ADAMTSL3: variants seen among roughly 807,000 people sequenced by gnomAD.
ADAMTSL3 encodes the protein ADAMTS-like protein 3.
In ADAMTSL3, 128 loss-of-function variants were observed where a neutral mutation model predicts 201.7. The observed-to-expected ratio is 0.63, with a 90% CI of 0.55 to 0.73. The LOEUF (loss-of-function observed/expected upper bound fraction) is 0.73. ADAMTSL3 is among the 30% of genes least tolerant of loss of function. ADAMTSL3 has a pLI of 0.00. For synonymous variants in ADAMTSL3, 738 were observed against 748.4 expected (o/e 0.99, Z 0.23); for missense variants, 1,990 against 2,119.6 (o/e 0.94, Z 1.20).
chr15:83,978,783 A>T (rs900236679), intron 20 of ADAMTSL3, among the ~76,000 whole-genome samples: 1 of 152,226 alleles, frequency 6.6e-6, no homozygotes, highest in Non-Finnish European at 1.5e-5. Flanking sequence ...AGCAATGGCC[A>T]AAGCAGAGTT....
chr15:83,894,979 G>C (rs1227003253), intron 13 of ADAMTSL3, among the ~76,000 whole-genome samples: 1 of 152,174 alleles, frequency 6.6e-6, no homozygotes, highest in Non-Finnish European at 1.5e-5. Context: ...TCATCAGAAT[G>C]AGCCATGTGT....
In ADAMTSL3 at chr15:83,892,716, T is replaced by C. The variant is rs141912251; in HGVS notation, c.1295T>C (p.Val432Ala). The C allele has an allele frequency of 2.2e-4, 354 of 1,614,028 alleles. No homozygotes were observed. The highest frequency in any genetic ancestry group is 2.1e-3 in the Middle Eastern group (13 of 6,062). Residue 432 changes from valine (V) to alanine (A), a missense_variant, in exon 13 of 30, where the codon GTG (valine) becomes GCG (alanine). Coordinates refer to ENST00000286744, the MANE Select transcript of ADAMTSL3 (RefSeq NM_207517.3). Reference protein sequence around the residue: ...WEHNPWTACSVSCGGGIQRRS... With the variant: ...WEHNPWTACSASCGGGIQRRS... ...CATAATCCTTGGACTGCATGTTCCG[T>C]GTCCTGTGGAGGAGGGATTCAGAGA...
chr15:83,688,333 A>G (rs1246031409), intron 2 of ADAMTSL3, among the ~76,000 whole-genome samples: 1 of 152,234 alleles, frequency 6.6e-6, no homozygotes, highest in Non-Finnish European at 1.5e-5. Flanking sequence ...GAGGCACACA[A>G]TGAAACAGCA....
chr15:83,709,824 T>C (rs981336696), intron 3 of ADAMTSL3, among the ~76,000 whole-genome samples: 4 of 152,118 alleles, frequency 2.6e-5, no homozygotes, highest in Non-Finnish European at 5.9e-5. Context: ...AGGTGTGTCC[T>C]CCCAGACTTG....
chr15:83,670,242 T>C (rs2061312435), intron 2 of ADAMTSL3, among the ~76,000 whole-genome samples: 1 of 109,112 alleles, frequency 9.2e-6, no homozygotes, highest in African/African-American at 3.8e-5. Context: ...TGGGTGACAG[T>C]GAGAGACTCT....
chr15:83,939,577 A>G (rs1237662014), intron 17 of ADAMTSL3, among the ~76,000 whole-genome samples: 3 of 149,662 alleles, frequency 2.0e-5, no homozygotes, highest in Non-Finnish European at 4.4e-5. Context: ...TTTTTTCTCC[A>G]TATTTTATCA....
At chr15:83,684,807 A>G (rs1052005801) in intron 2 of ADAMTSL3, among the ~76,000 whole-genome samples, 2 of 152,188 alleles carry the variant, frequency 1.3e-5, no homozygotes, top group South Asian at 4.1e-4. Context: ...TGTTTTTTAC[A>G]AACAATTCTA....
intron 2 of ADAMTSL3, among the ~76,000 whole-genome samples, chr15:83,680,136 C>T (rs1407385768): frequency 6.6e-6 from 1 of 152,082 alleles, no homozygotes; most frequent in African/African-American, 2.4e-5. Context: ...AGTCCTTTGA[C>T]TGGAGAGAGC....
chr15:83,962,610 A>C (rs2142097734), intron 19 of ADAMTSL3: 1 of 152,306 alleles, frequency 6.6e-6, no homozygotes, highest in African/African-American at 2.4e-5. Flanking sequence ...ATTACTATTC[A>C]TGTTACTCTA....
intron 16 of ADAMTSL3, among the ~76,000 whole-genome samples, chr15:83,920,814 A>G (rs922559995): frequency 6.6e-6 from 1 of 152,178 alleles, no homozygotes; most frequent in Non-Finnish European, 1.5e-5. Context: ...AGTTTATATC[A>G]TAGAAATCAT....
chr15:83,933,222 T>A (rs1376421323), intron 17 of ADAMTSL3, among the ~76,000 whole-genome samples: 2 of 152,302 alleles, frequency 1.3e-5, no homozygotes, highest in East Asian at 3.9e-4. Flanking sequence ...ACATAAAATA[T>A]GTAAAATATC....
chr15:83,864,701 C>T (rs1325752987), intron 8 of ADAMTSL3, among the ~76,000 whole-genome samples: 19 of 152,196 alleles, frequency 1.2e-4, no homozygotes, highest in Non-Finnish European at 2.6e-4. Context: ...TGAAAACTGG[C>T]ACAAGACAGA....
chr15:83,709,420 T>C (rs919948390), intron 3 of ADAMTSL3, among the ~76,000 whole-genome samples: 1 of 152,216 alleles, frequency 6.6e-6, no homozygotes, highest in Non-Finnish European at 1.5e-5. Context: ...AGCCTGTCTC[T>C]GGGGTAGATT....
intron 2 of ADAMTSL3, among the ~76,000 whole-genome samples, chr15:83,691,829 G>T (rs563054848): frequency 6.6e-6 from 1 of 152,188 alleles, no homozygotes; most frequent in East Asian, 1.9e-4. Flanking sequence ...GGTCATGCTG[G>T]TCTCGAACTC....
At chr15:83,865,136 A>C (rs2064947659) in intron 8 of ADAMTSL3, among the ~76,000 whole-genome samples, 1 of 152,194 alleles carries the variant, frequency 6.6e-6, no homozygotes, top group African/African-American at 2.4e-5. Flanking sequence ...GTGGAAGAAC[A>C]TTCCATGCTC....
chr15:83,953,350 A>G (rs951671890), intron 19 of ADAMTSL3, among the ~76,000 whole-genome samples: 15 of 152,118 alleles, frequency 9.9e-5, no homozygotes, highest in African/African-American at 3.4e-4. Flanking sequence ...ATACTATCTT[A>G]TATCCCATTA....
intron 19 of ADAMTSL3, among the ~76,000 whole-genome samples, chr15:83,953,165 A>AT (rs1420685541): frequency 6.6e-6 from 1 of 151,988 alleles, no homozygotes; most frequent in Admixed American, 6.6e-5. Context: ...TTCTCCTGCC[A>AT]TTTTGTTATT....
At chr15:84,007,698 G>C (rs2067919795) in intron 23 of ADAMTSL3, among the ~76,000 whole-genome samples, 1 of 152,156 alleles carries the variant, frequency 6.6e-6, no homozygotes, top group South Asian at 2.1e-4. Flanking sequence ...TTCTAAGTGA[G>C]ATGGAAGCCA....
intron 2 of ADAMTSL3, among the ~76,000 whole-genome samples, chr15:83,688,141 A>AG (rs1224105905): frequency 3.9e-5 from 6 of 152,238 alleles, no homozygotes; most frequent in African/African-American, 1.4e-4. Flanking sequence ...CCTTGAATGA[A>AG]GGAAGACTTG....
Sources: gnomAD v4.1 joint callset for allele counts (sites outside exome capture counted in the v4.1 genomes callset) on GRCh38, gnomAD v4.1.1 for gene constraint, MANE v1.5 for transcripts, NCBI Gene and HGNC (gene_info 2026-07-23, HGNC 2026-07-21) for gene names.